Variants in SOX5 observed in about 807,000 individuals in gnomAD.
The protein encoded by SOX5 is SRY-box transcription factor 5.
A neutral mutation model predicts 92.0 loss-of-function variants in SOX5; 9 were observed. That is an observed-to-expected ratio of 0.10 (90% confidence interval 0.06 to 0.17). The LOEUF (loss-of-function observed/expected upper bound fraction) is 0.17, where lower values mean the gene tolerates loss of function less well. SOX5 is among the 10% of genes least tolerant of loss of function. SOX5 has a pLI of 1.00. For synonymous variants in SOX5, 344 were observed against 336.3 expected (o/e 1.02, Z -0.25); for missense variants, 642 against 944.5 (o/e 0.68, Z 4.20).
At chr12:23,640,585 T>C (rs1343517597) in intron 8 of SOX5, among the ~76,000 whole-genome samples, 1 of 152,140 alleles carries the variant, frequency 6.6e-6, no homozygotes, top group South Asian at 2.1e-4. Flanking sequence ...TTCTTAATAA[T>C]ACCGGCAAGA....
chr12:24,399,567 T>C (rs1960995082), intron 1 of SOX5, among the ~76,000 whole-genome samples: 1 of 152,180 alleles, frequency 6.6e-6, no homozygotes, highest in South Asian at 2.1e-4. Flanking sequence ...GTCTAAAGTA[T>C]AATGAAAATG....
intron 3 of SOX5, among the ~76,000 whole-genome samples, chr12:24,247,345 G>T (rs1939026726): frequency 6.6e-6 from 1 of 152,026 alleles, no homozygotes; most frequent in Admixed American, 6.5e-5. Flanking sequence ...TATCTAGACT[G>T]CAGAGTGAGG....
At chr12:23,762,419 C>A (rs1016387205) in intron 3 of SOX5, 5 of 382,386 alleles carry the variant, frequency 1.3e-5, no homozygotes, top group Non-Finnish European at 1.9e-5. Flanking sequence ...CTAAAAAATT[C>A]GTAATATAAC....
intron 3 of SOX5, among the ~76,000 whole-genome samples, chr12:24,216,572 T>C (rs972052686): frequency 6.6e-6 from 1 of 152,150 alleles, no homozygotes; most frequent in African/African-American, 2.4e-5. Flanking sequence ...GATCTGAAGA[T>C]TGAGTTTAGT....
intron 1 of SOX5, among the ~76,000 whole-genome samples, chr12:24,555,950 A>G (rs1394929382): frequency 1.3e-5 from 2 of 152,206 alleles, no homozygotes; most frequent in Admixed American, 1.3e-4. Flanking sequence ...TGCTTCCTGT[A>G]GCTGCTCCCA....
chr12:24,314,481 G>A (rs570168772), intron 2 of SOX5, among the ~76,000 whole-genome samples: 4 of 151,704 alleles, frequency 2.6e-5, no homozygotes, highest in South Asian at 2.1e-4. Flanking sequence ...TAACCTGCAC[G>A]TTATGCACAT....
At chr12:23,972,736 T>C (rs2140159634) in intron 4 of SOX5, among the ~76,000 whole-genome samples, 1 of 152,284 alleles carries the variant, frequency 6.6e-6, no homozygotes, top group East Asian at 1.9e-4. Flanking sequence ...AGTGTGATGT[T>C]TTGCTCTATG....
At chr12:23,970,238 T>G (rs1356192524) in intron 4 of SOX5, among the ~76,000 whole-genome samples, 1 of 151,926 alleles carries the variant, frequency 6.6e-6, no homozygotes, top group Non-Finnish European at 1.5e-5. Context: ...TTCTTTTTTT[T>G]TTGGTTTTTT....
intron 1 of SOX5, among the ~76,000 whole-genome samples, chr12:23,912,208 C>G (rs1345174089): frequency 1.3e-5 from 2 of 152,014 alleles, no homozygotes; most frequent in Non-Finnish European, 2.9e-5. Flanking sequence ...ATACATTTCT[C>G]CCCAGAAGAT....
At chr12:23,796,340 C>G (rs1165946964) in intron 3 of SOX5, among the ~76,000 whole-genome samples, 1 of 152,028 alleles carries the variant, frequency 6.6e-6, no homozygotes, top group African/African-American at 2.4e-5. Context: ...TTCTAAAGAC[C>G]TGTAAGTATC....
chr12:24,086,772 C>T (rs992174629), intron 4 of SOX5, among the ~76,000 whole-genome samples: 4 of 151,932 alleles, frequency 2.6e-5, no homozygotes, highest in African/African-American at 9.7e-5. Flanking sequence ...TCTTTCTTTA[C>T]ATTAGTCGTT....
intron 3 of SOX5, among the ~76,000 whole-genome samples, chr12:24,275,298 A>T (rs1436281007): frequency 6.6e-6 from 1 of 152,056 alleles, no homozygotes; most frequent in Non-Finnish European, 1.5e-5. Context: ...TATTTTTTCT[A>T]TTAATTTTTC....
chr12:23,892,204 G>A (rs551267293), intron 2 of SOX5, among the ~76,000 whole-genome samples: 1 of 152,250 alleles, frequency 6.6e-6, no homozygotes, highest in African/African-American at 2.4e-5. Context: ...GCCTTGGGAG[G>A]TCAGTGAAAG....
At chr12:24,372,686 A>G (rs1171828419) in intron 1 of SOX5, among the ~76,000 whole-genome samples, 1 of 152,174 alleles carries the variant, frequency 6.6e-6, no homozygotes, top group Admixed American at 6.5e-5. Context: ...CTAGTTCTAG[A>G]TCCTTGAGGA....
chr12:23,539,101 G>A (rs113208666), intron 13 of SOX5, among the ~76,000 whole-genome samples: 27,242 of 151,750 alleles, frequency 0.18, 2,651 homozygotes, highest in African/African-American at 0.25. Flanking sequence ...CACCACTCCT[G>A]GCCAAGCATT....
intron 3 of SOX5, among the ~76,000 whole-genome samples, chr12:23,824,196 A>C (rs566598579): frequency 1.3e-5 from 2 of 152,240 alleles, no homozygotes; most frequent in East Asian, 3.9e-4. Flanking sequence ...GAGAAGAGCC[A>C]TTCTGGTTTT....
rs186183042 is a variant in SOX5, at chr12:23,812,240, T to A, written c.481+33743A>T. 6.6e-5 allele frequency among the ~76,000 whole-genome samples: 10 copies of A among 152,104 alleles called. No individual in the cohort carries two copies. The East Asian group carries it at 1.9e-3, about 29-fold the overall frequency. On this transcript the variant is annotated intron_variant, in intron 3 of 14. Transcript: ENST00000451604. ...TATGATAGAAAACAGCTACTAATGG[T>A]ATATATTACTGTTTTTTTAATCATC...
intron 1 of SOX5, among the ~76,000 whole-genome samples, chr12:24,496,414 TC>T (rs1335814734): frequency 6.6e-6 from 1 of 152,064 alleles, no homozygotes; most frequent in Non-Finnish European, 1.5e-5. Flanking sequence ...TTAAAACACT[TC>T]CCCCAAATTC....
chr12:23,754,255 G>T (rs551053496), intron 4 of SOX5, among the ~76,000 whole-genome samples: 61 of 151,770 alleles, frequency 4.0e-4, no homozygotes, highest in Non-Finnish European at 1.5e-4. Flanking sequence ...AGATCAGAAG[G>T]CTTGGAAAAG....
Sources: allele counts gnomAD v4.1 joint callset (sites outside exome capture counted in the v4.1 genomes callset), GRCh38; gene constraint gnomAD v4.1.1; transcripts MANE v1.5; gene names NCBI Gene and HGNC (gene_info 2026-07-23, HGNC 2026-07-21).